Variants in SH3BGRL2 observed in about 807,000 individuals in gnomAD.
The protein encoded by SH3BGRL2 is SH3 domain-binding glutamic acid-rich-like protein 2.
A neutral mutation model predicts 14.8 loss-of-function variants in SH3BGRL2; 21 were observed. The ratio of observed to expected loss-of-function variants is 1.42; its 90% CI spans 1.01 to 2.05. The LOEUF (loss-of-function observed/expected upper bound fraction) is 2.05. SH3BGRL2 is among the 30% of genes most tolerant of loss of function. SH3BGRL2 has a pLI of 0.00. For synonymous variants in SH3BGRL2, 50 were observed against 47.8 expected (o/e 1.05, Z -0.19); for missense variants, 147 against 130.8 (o/e 1.12, Z -0.61).
At chr6:79,655,381 A>G (rs1174484467) in intron 1 of SH3BGRL2, among the ~76,000 whole-genome samples, 1 of 149,844 alleles carries the variant, frequency 6.7e-6, no homozygotes, top group Non-Finnish European at 1.5e-5. Context: ...CTTAAGCATT[A>G]CTTGGGAACT....
chr6:79,693,431 G>T (rs1770267372), intron 2 of SH3BGRL2, among the ~76,000 whole-genome samples: 1 of 149,986 alleles, frequency 6.7e-6, no homozygotes, highest in Non-Finnish European at 1.5e-5. Context: ...TCCCTGTCTT[G>T]TGCCAGTTTT....
At chr6:79,575,688 A>G in the SH3BGRL2 span, among the ~76,000 whole-genome samples, 2 of 152,246 alleles carry the variant, frequency 1.3e-5, no homozygotes, top group Admixed American at 6.5e-5. Context: ...TAATATAGAT[A>G]TAGCAGCTGC....
intron 1 of SH3BGRL2, among the ~76,000 whole-genome samples, chr6:79,654,547 C>T (rs1769366540): frequency 6.6e-6 from 1 of 152,182 alleles, no homozygotes; most frequent in Admixed American, 6.6e-5. Context: ...TGTTCCATCT[C>T]GATCACGATT....
chr6:79,614,040 G>A, the SH3BGRL2 span, among the ~76,000 whole-genome samples: 15 of 152,160 alleles, frequency 9.9e-5, no homozygotes, highest in Admixed American at 6.5e-4. Flanking sequence ...CAGTCCCAGA[G>A]CACCTGCCAG....
At chr6:79,598,879 T>TC in the SH3BGRL2 span, among the ~76,000 whole-genome samples, 2 of 151,730 alleles carry the variant, frequency 1.3e-5, no homozygotes, top group African/African-American at 4.8e-5. Context: ...GGTCGGGAGT[T>TC]CAAGACCAGC....
intron 2 of SH3BGRL2, among the ~76,000 whole-genome samples, chr6:79,691,751 A>G (rs1770222074): frequency 6.6e-6 from 1 of 151,480 alleles, no homozygotes; most frequent in African/African-American, 2.4e-5. Context: ...AATCTAGTCT[A>G]TCATTGTTGG....
At chr6:79,592,137 T>C in the SH3BGRL2 span, among the ~76,000 whole-genome samples, 2 of 152,220 alleles carry the variant, frequency 1.3e-5, no homozygotes, top group Admixed American at 1.3e-4. Flanking sequence ...CATATATCCA[T>C]TAATATGAAC....
At chr6:79,650,771 G>A (rs183195519) in intron 1 of SH3BGRL2, among the ~76,000 whole-genome samples, 387 of 152,158 alleles carry the variant, frequency 2.5e-3, no homozygotes, top group African/African-American at 9.1e-3. Flanking sequence ...AAATTTCAAT[G>A]TGGGATTTGA....
chr6:79,551,571 C>T, the SH3BGRL2 span, among the ~76,000 whole-genome samples: 1 of 152,096 alleles, frequency 6.6e-6, no homozygotes, highest in Non-Finnish European at 1.5e-5. Context: ...TGCCTCCAGC[C>T]AAGACCAGAA....
rs1171438883 is a variant in SH3BGRL2 at position 79,701,620 on chromosome 6, T to C, written c.*2111T>C. On this transcript the variant is annotated 3_prime_UTR_variant, in exon 4 of 4. Transcript: ENST00000369838. ...CCACCCCATTTTTTTTTTTTTTTTT[T>C]TGATCAGCAAAGAAATACAGGAGAC... 1 of 137,798 alleles carries C rather than the reference T, an allele frequency of 7.3e-6. No homozygotes were observed. The highest frequency in any genetic ancestry group is 3.0e-5 in the African/African-American group (1 of 32,998). 8.5% of individuals were successfully genotyped at this position (137,798 alleles called of 1,614,324 possible). A position where few individuals can be genotyped will look rare whatever the true frequency, so the allele number is the denominator to read the frequency against.
chr6:79,565,992 A>G, the SH3BGRL2 span, among the ~76,000 whole-genome samples: 1 of 152,186 alleles, frequency 6.6e-6, no homozygotes, highest in African/African-American at 2.4e-5. Context: ...CTTACTTCAC[A>G]GAACTTACCT....
At chr6:79,571,401 A>G in the SH3BGRL2 span, among the ~76,000 whole-genome samples, 5 of 152,162 alleles carry the variant, frequency 3.3e-5, no homozygotes, top group African/African-American at 1.2e-4. Flanking sequence ...AGTCAAAATC[A>G]CTTTTTTCTG....
At chr6:79,676,698 G>C (rs1769892163) in intron 2 of SH3BGRL2, among the ~76,000 whole-genome samples, 1 of 151,640 alleles carries the variant, frequency 6.6e-6, no homozygotes, top group Non-Finnish European at 1.5e-5. Context: ...CTGAGAGAAA[G>C]GAGGTAGAGA....
chr6:79,549,048 A>G, the SH3BGRL2 span, among the ~76,000 whole-genome samples: 2 of 152,246 alleles, frequency 1.3e-5, no homozygotes, highest in Non-Finnish European at 2.9e-5. Context: ...AGTGTCACCA[A>G]TGGTAAACTG....
chr6:79,701,289 G>A lies in SH3BGRL2; in HGVS notation c.*1780G>A, dbSNP rs375645801. On this transcript the variant is annotated 3_prime_UTR_variant, in exon 4 of 4. Coordinates refer to ENST00000369838, the MANE Select transcript of SH3BGRL2 (RefSeq NM_031469.4). ...AACTGGATATTGTGTTTGAGTATGT[G>A]AGTCTTCTGATAAAACTCAGAATTT... 1 of 152,086 alleles carries A rather than the reference G, an allele frequency of 6.6e-6. No individual in the cohort carries two copies. The highest frequency in any genetic ancestry group is 2.1e-4 in the South Asian group (1 of 4,822). 9.4% of individuals were successfully genotyped at this position (152,086 alleles called of 1,614,324 possible). A position where few individuals can be genotyped will look rare whatever the true frequency, so the allele number is the denominator to read the frequency against.
intron 1 of SH3BGRL2, among the ~76,000 whole-genome samples, chr6:79,642,662 T>C (rs913218957): frequency 3.6e-4 from 55 of 152,312 alleles, no homozygotes; most frequent in African/African-American, 1.3e-3. Context: ...ATTTAGACTC[T>C]GTCTTTCAGA....
chr6:79,628,841 CT>C (rs1231223046), upstream of SH3BGRL2, among the ~76,000 whole-genome samples: 1 of 152,178 alleles, frequency 6.6e-6, no homozygotes, highest in Non-Finnish European at 1.5e-5. Flanking sequence ...TTATGAATTT[CT>C]CAGGGCACTT....
At chr6:79,603,937 T>C in the SH3BGRL2 span, among the ~76,000 whole-genome samples, 150,515 of 152,202 alleles carry the variant, frequency 0.99, 74,447 homozygotes, top group East Asian at 1. Flanking sequence ...CCCAAGCAGC[T>C]GGGATTACAG....
At chr6:79,646,213 A>G (rs1769141246) in intron 1 of SH3BGRL2, among the ~76,000 whole-genome samples, 1 of 152,212 alleles carries the variant, frequency 6.6e-6, no homozygotes, top group South Asian at 2.1e-4. Context: ...ACCACTCTAC[A>G]GTATCAGAGA....
Sources: allele counts gnomAD v4.1 joint callset (sites outside exome capture counted in the v4.1 genomes callset), GRCh38; gene constraint gnomAD v4.1.1; transcripts MANE v1.5; gene names NCBI Gene and HGNC (gene_info 2026-07-23, HGNC 2026-07-21).